The following PCDH11X variants were observed in gnomAD, a reference collection of about 807,000 sequenced individuals.
The protein encoded by PCDH11X is protocadherin 11 X-linked.
A neutral mutation model predicts 53.3 loss-of-function variants in PCDH11X; 18 were observed. The ratio of observed to expected loss-of-function variants is 0.34; its 90% CI spans 0.23 to 0.50. The LOEUF (loss-of-function observed/expected upper bound fraction) is 0.50. Among genes scored for constraint, PCDH11X ranks in the 20% least tolerant of loss-of-function variants. The pLI, the probability that PCDH11X is intolerant of heterozygous loss-of-function variation, is 0.98. For missense variants in PCDH11X, 570 were observed against 1,032.4 expected, an observed-to-expected ratio of 0.55 and a Z score of 6.14; for synonymous variants, 279 against 393.3, an observed-to-expected ratio of 0.71 and a Z score of 3.44.
At chrX:92,075,846 T>C (rs767858718) in intron 6 of PCDH11X, among the ~76,000 whole-genome samples, 2 of 111,214 alleles carry the variant, frequency 1.8e-5, no homozygotes, top group South Asian at 7.5e-4. Context: ...AGCTCTATTG[T>C]GATCAATTTC....
At chrX:92,071,655 G>A (rs2148079388) in intron 6 of PCDH11X, among the ~76,000 whole-genome samples, 1 of 111,256 alleles carries the variant, frequency 9.0e-6, no homozygotes, top group Non-Finnish European at 1.9e-5. Flanking sequence ...GTCTAATAAT[G>A]CTGTGGTTCT....
chrX:92,224,027 C>T (rs2148359649), intron 7 of PCDH11X, among the ~76,000 whole-genome samples: 1 of 111,606 alleles, frequency 9.0e-6, no homozygotes, highest in African/African-American at 3.2e-5. Flanking sequence ...TGGCCATTTG[C>T]CTTTTTGTGT....
At chrX:91,868,513 C>A (rs1202770152) in intron 5 of PCDH11X, among the ~76,000 whole-genome samples, 2 of 111,295 alleles carry the variant, frequency 1.8e-5, no homozygotes, top group Non-Finnish European at 3.8e-5. Context: ...AAGGTAGAAC[C>A]AATCAGAGTT....
intron 6 of PCDH11X, among the ~76,000 whole-genome samples, chrX:92,095,531 T>A (rs950033484): frequency 4.5e-5 from 5 of 111,208 alleles, no homozygotes; most frequent in Non-Finnish European, 9.4e-5. Context: ...TTATTGAGTT[T>A]CTCATCTAGA....
At chrX:91,923,184 T>G (rs1168027915) in intron 6 of PCDH11X, among the ~76,000 whole-genome samples, 1 of 101,479 alleles carries the variant, frequency 9.9e-6, no homozygotes, top group East Asian at 3.2e-4. Flanking sequence ...TCAAGAGATG[T>G]GTGTGGGTTC....
At chrX:91,808,939 T>C (rs1285453336) in intron 1 of PCDH11X, among the ~76,000 whole-genome samples, 1 of 108,376 alleles carries the variant, frequency 9.2e-6, no homozygotes, top group East Asian at 2.9e-4. Context: ...AGTAAAATTA[T>C]AATTAACGTA....
chrX:92,556,541 A>G lies in PCDH11X; in HGVS notation c.3368-61723A>G, dbSNP rs767639435. On this transcript the variant is annotated intron_variant, in intron 10 of 10. Transcript: ENST00000682573. Reference sequence around the variant, plus strand: ...CTCCAAAGCGATTTTCTTTAACTCCATGTCTCACATCCAGGTCACACTGAT... The same window carrying G: ...CTCCAAAGCGATTTTCTTTAACTCCGTGTCTCACATCCAGGTCACACTGAT... 2.7e-4 allele frequency among the ~76,000 whole-genome samples: 30 copies of G among 111,866 alleles called. No homozygotes were observed. The South Asian group carries it at 0.011, about 41-fold the overall frequency.
intron 6 of PCDH11X, among the ~76,000 whole-genome samples, chrX:92,068,608 C>T (rs746833421): frequency 2.7e-4 from 30 of 109,770 alleles, no homozygotes; most frequent in Admixed American, 5.9e-4. Context: ...TGTGTGATCT[C>T]GGCTTACTGC....
chrX:92,275,437 T>C (rs1053626295), intron 8 of PCDH11X, among the ~76,000 whole-genome samples: 61 of 110,298 alleles, frequency 5.5e-4, no homozygotes, highest in Admixed American at 1.7e-3. Context: ...TGAAGCCTTG[T>C]GGCAGTACAG....
chrX:92,582,260 A>C, intron 10 of PCDH11X, among the ~76,000 whole-genome samples: 1 of 77,707 alleles, frequency 1.3e-5, no homozygotes, highest in African/African-American at 5.9e-5. Flanking sequence ...TTGATCACAG[A>C]CCTAAAAGCC....
intron 6 of PCDH11X, among the ~76,000 whole-genome samples, chrX:92,190,282 T>A (rs146971373): frequency 0.012 from 1,388 of 111,373 alleles, 16 homozygotes; most frequent in African/African-American, 0.044. Context: ...TTTCTGCATA[T>A]GGCCAGCCAG....
chrX:91,869,228 A>G (rs1939147873), intron 5 of PCDH11X, among the ~76,000 whole-genome samples: 1 of 110,140 alleles, frequency 9.1e-6, no homozygotes, highest in South Asian at 3.8e-4. Context: ...AGAAAACACA[A>G]TAGTTTTTGT....
intron 6 of PCDH11X, chrX:91,982,519 C>A (rs2062156706): frequency 2.5e-6 from 1 of 407,196 alleles, no homozygotes; most frequent in African/African-American, 2.6e-5. Context: ...AAAGCTGAAT[C>A]ATCTTTAACC....
At chrX:92,221,176 G>T in intron 7 of PCDH11X, among the ~76,000 whole-genome samples, 1 of 99,861 alleles carries the variant, frequency 1.0e-5, no homozygotes. Flanking sequence ...TTGTGCACAT[G>T]TACCCTAAAA....
chrX:92,199,625 T>C (rs1200236451), intron 6 of PCDH11X, among the ~76,000 whole-genome samples: 1 of 111,218 alleles, frequency 9.0e-6, no homozygotes, highest in African/African-American at 3.3e-5. Flanking sequence ...ATATTGGGGT[T>C]ATTCTATTAG....
At chrX:92,529,463 G>A (rs2074516667) in intron 10 of PCDH11X, among the ~76,000 whole-genome samples, 1 of 110,072 alleles carries the variant, frequency 9.1e-6, no homozygotes, top group Non-Finnish European at 1.9e-5. Context: ...ATGCTATATA[G>A]CGTTCACACT....
At chrX:92,291,650 C>T (rs1029445480) in intron 8 of PCDH11X, among the ~76,000 whole-genome samples, 1 of 104,592 alleles carries the variant, frequency 9.6e-6, no homozygotes, top group Non-Finnish European at 1.9e-5. Flanking sequence ...TTGTGTGTTT[C>T]CTACTTTTGA....
At chrX:92,339,934 C>T (rs2069712643) in intron 8 of PCDH11X, among the ~76,000 whole-genome samples, 1 of 111,159 alleles carries the variant, frequency 9.0e-6, no homozygotes, top group Admixed American at 9.6e-5. Flanking sequence ...GTCCAAAATC[C>T]CAATTCTCAT....
Position 91,877,991 on chromosome X carries a change from C to T in PCDH11X, c.1751C>T (p.Pro584Leu). The T allele has an allele frequency of 8.3e-7, 1 of 1,211,046 alleles. No homozygotes were observed. Among genetic ancestry groups the T allele is most frequent in the Non-Finnish European group, 1.1e-6 (1 of 895,299 alleles). The change falls in exon 6 of 11, where the codon CCA (proline) becomes CTA (leucine). Residue 584 changes from proline (P) to leucine (L), a missense_variant. By Grantham distance (98) the Pro-to-Leu change is moderately conservative. Transcript: ENST00000682573. Reference sequence around the variant, plus strand: ...AACTTCTATGTCCCAGAAAACCTTCCAAGGCATGGTACAGTAGGACTAATC... The same window carrying T: ...AACTTCTATGTCCCAGAAAACCTTCTAAGGCATGGTACAGTAGGACTAATC... ...EYNFYVPENLPRHGTVGLITV... is the reference protein window; with the variant it reads ...EYNFYVPENLLRHGTVGLITV...
Sources: gnomAD v4.1 joint callset for allele counts (sites outside exome capture counted in the v4.1 genomes callset) on GRCh38, gnomAD v4.1.1 for gene constraint, MANE v1.5 for transcripts, NCBI Gene and HGNC (gene_info 2026-07-23, HGNC 2026-07-21) for gene names.